Variants in PITPNC1 observed in about 807,000 individuals in gnomAD.
The protein encoded by PITPNC1 is phosphatidylinositol transfer protein cytoplasmic 1, also known as cytoplasmic phosphatidylinositol transfer protein 1.
PITPNC1 carries 18 observed loss-of-function variants against 44.7 expected under a neutral mutation model. The observed-to-expected ratio is 0.40, with a 90% confidence interval of 0.28 to 0.60. The LOEUF (loss-of-function observed/expected upper bound fraction) is 0.60, where lower values mean the gene tolerates loss of function less well. Among genes scored for constraint, PITPNC1 ranks in the 20% least tolerant of loss-of-function variants. The pLI is 0.39. For missense variants in PITPNC1, 290 were observed against 418.4 expected (o/e 0.69, Z 2.68); for synonymous variants, 141 against 149.6 (o/e 0.94, Z 0.42).
At chr17:67,407,584 C>T (rs1207242288) in intron 1 of PITPNC1, among the ~76,000 whole-genome samples, 1 of 152,036 alleles carries the variant, frequency 6.6e-6, no homozygotes, top group Admixed American at 6.6e-5. Flanking sequence ...GGGCAGATCA[C>T]CTGAGGTCAG....
At chr17:67,643,277 T>G (rs1445541065) in intron 6 of PITPNC1, among the ~76,000 whole-genome samples, 1 of 152,112 alleles carries the variant, frequency 6.6e-6, no homozygotes. Flanking sequence ...TCCTAGGTAC[T>G]AGGGAGGCTG....
chr17:67,612,755 C>T (rs2041704860), intron 5 of PITPNC1: 2 of 151,784 alleles, frequency 1.3e-5, no homozygotes, highest in African/African-American at 4.9e-5. Flanking sequence ...AGATCAGAGT[C>T]TCAAGAGAAA....
At chr17:67,664,748 AC>A (rs2042397751) in intron 6 of PITPNC1, among the ~76,000 whole-genome samples, 2 of 152,074 alleles carry the variant, frequency 1.3e-5, no homozygotes, top group Admixed American at 6.6e-5. Context: ...TACTAAAAAT[AC>A]AAAAAATTAG....
chr17:67,666,491 G>C (rs1567767633), intron 6 of PITPNC1, among the ~76,000 whole-genome samples: 2 of 152,198 alleles, frequency 1.3e-5, no homozygotes, highest in Non-Finnish European at 2.9e-5. Flanking sequence ...GTCCGGAAAA[G>C]ATGCCAGAAA....
intron 1 of PITPNC1, among the ~76,000 whole-genome samples, chr17:67,453,766 G>A (rs1351944952): frequency 1.3e-5 from 2 of 152,286 alleles, no homozygotes; most frequent in South Asian, 2.1e-4. Context: ...TTTGAGGGAG[G>A]AAAACATTTT....
intron 1 of PITPNC1, 62 bp downstream of exon 1, chr17:67,378,264 CT>C (rs2037901602): frequency 8.6e-7 from 1 of 1,167,816 alleles, no homozygotes; most frequent in Non-Finnish European, 1.2e-6. Context: ...CCGCCGCCTC[CT>C]GGCCGGCGAG....
chr17:67,554,127 G>A (rs2144173164), intron 4 of PITPNC1, among the ~76,000 whole-genome samples: 1 of 151,866 alleles, frequency 6.6e-6, no homozygotes, highest in East Asian at 1.9e-4. Flanking sequence ...AGCCTCTAGG[G>A]TTATTACTTA....
At chr17:67,532,303 T>C (rs2040472645) in intron 1 of PITPNC1, among the ~76,000 whole-genome samples, 1 of 152,176 alleles carries the variant, frequency 6.6e-6, no homozygotes, top group Admixed American at 6.5e-5. Context: ...ACCATTGTTC[T>C]AGGGGACAGA....
intron 7 of PITPNC1, among the ~76,000 whole-genome samples, chr17:67,674,442 T>G (rs2042567667): frequency 6.7e-6 from 1 of 150,038 alleles, no homozygotes; most frequent in South Asian, 2.1e-4. Flanking sequence ...AGGCAGAGGT[T>G]ATAGTGAGTT....
At chr17:67,387,241 G>T (rs764035834) in intron 1 of PITPNC1, among the ~76,000 whole-genome samples, 5 of 152,158 alleles carry the variant, frequency 3.3e-5, no homozygotes, top group Non-Finnish European at 2.9e-5. Flanking sequence ...GCCCTTTCAT[G>T]CTCCCAGCCC....
chr17:67,459,364 C>T (rs758632572), intron 1 of PITPNC1, among the ~76,000 whole-genome samples: 95 of 152,180 alleles, frequency 6.2e-4, no homozygotes, highest in Middle Eastern at 3.4e-3. Flanking sequence ...TGATCCGCCC[C>T]GCCTAGGCCT....
At chr17:67,630,370 C>T (rs1476555332) in intron 5 of PITPNC1, among the ~76,000 whole-genome samples, 1 of 152,192 alleles carries the variant, frequency 6.6e-6, no homozygotes, top group Non-Finnish European at 1.5e-5. Flanking sequence ...GTAATCCCAG[C>T]ACTTTGGGAG....
chr17:67,650,990 C>T (rs2042203480), intron 6 of PITPNC1, among the ~76,000 whole-genome samples: 1 of 152,192 alleles, frequency 6.6e-6, no homozygotes, highest in Admixed American at 6.5e-5. Context: ...ACACAAACCG[C>T]TCAGGGTTTG....
chr17:67,481,643 A>C (rs2039703343), intron 1 of PITPNC1, among the ~76,000 whole-genome samples: 1 of 152,100 alleles, frequency 6.6e-6, no homozygotes, highest in African/African-American at 2.4e-5. Context: ...GCTGCTACTA[A>C]ATTTATTACC....
chr17:67,693,151 C>T lies in PITPNC1; in HGVS notation c.*263C>T. 1 of 370,096 alleles carries T rather than the reference C, an allele frequency of 2.7e-6. No homozygotes were observed. Among genetic ancestry groups the T allele is most frequent in the Non-Finnish European group, 4.8e-6 (1 of 209,216 alleles). The allele number at this position is 370,096 out of a possible 1,614,324, so 22.9% of individuals were successfully genotyped here. A position where few individuals can be genotyped will look rare whatever the true frequency, so the allele number is the denominator to read the frequency against. On this transcript the variant is annotated 3_prime_UTR_variant, in exon 9 of 9. Transcript: ENST00000581322. ...CATAGCTGTATGCCAGAGAGGAAGC[C>T]TTGTTATTGGGCATTTGATGAGGTT...
chr17:67,490,386 A>C (rs529333421), intron 1 of PITPNC1, among the ~76,000 whole-genome samples: 2 of 151,890 alleles, frequency 1.3e-5, no homozygotes, highest in African/African-American at 4.8e-5. Context: ...CTTGGCTTTA[A>C]AATTAGGGCA....
intron 1 of PITPNC1, among the ~76,000 whole-genome samples, chr17:67,487,092 A>T (rs1273999041): frequency 1.3e-5 from 2 of 152,186 alleles, no homozygotes; most frequent in Non-Finnish European, 2.9e-5. Context: ...GAAAACCAAC[A>T]TCATAAAATA....
intron 1 of PITPNC1, among the ~76,000 whole-genome samples, chr17:67,474,069 T>C (rs1288862653): frequency 6.6e-6 from 1 of 152,202 alleles, no homozygotes; most frequent in Non-Finnish European, 1.5e-5. Context: ...TTAACCTAAC[T>C]GTGAGCCAGG....
At chr17:67,571,483 G>A (rs968273636) in intron 4 of PITPNC1, among the ~76,000 whole-genome samples, 3 of 152,216 alleles carry the variant, frequency 2.0e-5, no homozygotes, top group Admixed American at 6.5e-5. Context: ...TTATCTTGCA[G>A]TTTCCATGGG....
Sources: allele counts gnomAD v4.1 joint callset (sites outside exome capture counted in the v4.1 genomes callset), GRCh38; gene constraint gnomAD v4.1.1; transcripts MANE v1.5; gene names NCBI Gene and HGNC (gene_info 2026-07-23, HGNC 2026-07-21).